Variants in KIF1C observed in about 807,000 individuals in gnomAD.
KIF1C encodes kinesin family member 1C, also known as kinesin-like protein KIF1C.
KIF1C carries 61 observed loss-of-function variants against 126.5 expected under a neutral mutation model. The observed-to-expected ratio is 0.48, with a 90% confidence interval of 0.39 to 0.60. The LOEUF is 0.60. Among genes scored for constraint, KIF1C ranks in the 20% least tolerant of loss-of-function variants. KIF1C has a pLI of 0.00. For synonymous variants in KIF1C, 640 were observed against 580.6 expected (o/e 1.10, Z -1.47); for missense variants, 1,315 against 1,489.2 (o/e 0.88, Z 1.93).
intron 1 of KIF1C, among the ~76,000 whole-genome samples, chr17:4,999,475 T>C (rs1406123741): frequency 6.6e-6 from 1 of 152,002 alleles, no homozygotes; most frequent in East Asian, 1.9e-4. Flanking sequence ...ATTCTTTCCT[T>C]CATAGCATGA....
intron 21 of KIF1C, among the ~76,000 whole-genome samples, chr17:5,021,261 C>T (rs569139241): frequency 5.3e-5 from 8 of 150,450 alleles, no homozygotes; most frequent in East Asian, 2.0e-4. Flanking sequence ...TAGCCTCCGC[C>T]TCCTGGGTTC....
At chr17:5,000,489 G>A in intron 3 of KIF1C, 137 bp downstream of exon 3, 2 of 697,098 alleles carry the variant, frequency 2.9e-6, no homozygotes, top group Non-Finnish European at 4.9e-6. Flanking sequence ...GGCGGGGGCT[G>A]GGGCAGGCTG....
In KIF1C at chr17:5,014,790, G is replaced by A. The variant is rs1013580197; in HGVS notation, c.1619G>A (p.Arg540Gln). The A allele has an allele frequency of 5.6e-6, 9 of 1,602,530 alleles. No individual in the cohort carries two copies. The highest frequency in any genetic ancestry group is 5.1e-6 in the Non-Finnish European group (6 of 1,175,040). ...MDIKLTGQFIREQHCLFRSIP... is the reference protein window; with the variant it reads ...MDIKLTGQFIQEQHCLFRSIP... Reference sequence around the variant, plus strand: ...ATCAAGCTGACCGGACAGTTCATTCGGGAGCAACACTGTCTGTTCCGGAGC... The same window carrying A: ...ATCAAGCTGACCGGACAGTTCATTCAGGAGCAACACTGTCTGTTCCGGAGC... Residue 540 changes from arginine to glutamine, a missense_variant, in exon 18 of 23, where the codon CGG (arginine) becomes CAG (glutamine). By Grantham distance (43) the Arg-to-Gln change is conservative (BLOSUM62 1). Transcript: ENST00000320785.
At chr17:5,000,095 G>A (rs1974541281) in intron 2 of KIF1C, 125 bp downstream of exon 2, 1 of 618,990 alleles carries the variant, frequency 1.6e-6, no homozygotes, top group South Asian at 1.9e-5. Context: ...ATAAGAGCTG[G>A]GTCCTTGAGA....
In KIF1C at chr17:5,022,044, C is replaced by T; in HGVS notation, c.2011-48C>T. ...GACACACTGGGCCAAGACACATGGG[C>T]TCTGGATGTCCTTAGCCCTCTCTTC... On this transcript the variant is annotated intron_variant, in intron 21 of 22. Coordinates refer to ENST00000320785, the MANE Select transcript of KIF1C (RefSeq NM_006612.6). The surrounding 1 kb of genome is among the most constrained non-coding windows in gnomAD (Gnocchi z 4.9). 1 of 1,541,722 alleles carries T rather than the reference C, an allele frequency of 6.5e-7. No individual in the cohort carries two copies.
chr17:5,013,971 G>A (rs1475564964), intron 17 of KIF1C, among the ~76,000 whole-genome samples: 5 of 152,354 alleles, frequency 3.3e-5, no homozygotes, highest in African/African-American at 1.2e-4. Flanking sequence ...TACTGGGGCA[G>A]GAGAGTTGGG....
Position 5,023,347 on chromosome 17 carries a change from T to C in KIF1C, c.2629-121T>C. The C allele has an allele frequency of 6.2e-6, 5 of 811,542 alleles. No homozygotes were observed. Among genetic ancestry groups the C allele is most frequent in the Non-Finnish European group, 9.8e-6 (5 of 509,356 alleles). The allele number at this position is 811,542 out of a possible 1,614,324, so 50.3% of individuals were successfully genotyped here. On this transcript the variant is annotated intron_variant, in intron 22 of 22. Coordinates refer to ENST00000320785, the MANE Select transcript of KIF1C (RefSeq NM_006612.6). This position sits in a 1 kb window ranked among gnomAD's most constrained non-coding sequence, Gnocchi z 4.2. ...AACCACTATTTTTCGAGCTTCCTTA[T>C]CTCTAGGCTTTTCTCTGGACCCTTT...
rs1228118646 is a variant in KIF1C, at chr17:5,020,980, TG to T, written c.2010+107del. 1.9e-6 allele frequency: 2 copies of T among 1,028,834 alleles called. No homozygotes were observed. Among genetic ancestry groups the T allele is most frequent in the Middle Eastern group, 2.7e-4 (1 of 3,650 alleles). 63.7% of individuals were successfully genotyped at this position (1,028,834 alleles called of 1,614,324 possible). A position where few individuals can be genotyped will look rare whatever the true frequency, so the allele number is the denominator to read the frequency against. ...GCTGAGCCAGAGTGGGAAATGGGCA[TG>T]GGGGTAAGGGGAAGGGTCCAAGAGG... is the stretch of plus-strand genomic sequence containing the variant. On this transcript the variant is annotated intron_variant, in intron 21 of 22. Coordinates refer to ENST00000320785, the MANE Select transcript of KIF1C (RefSeq NM_006612.6). This position sits in a 1 kb window ranked among gnomAD's most constrained non-coding sequence, Gnocchi z 5.8.
At chr17:5,018,907 A>G (rs1975033920) in intron 18 of KIF1C, among the ~76,000 whole-genome samples, 1 of 152,058 alleles carries the variant, frequency 6.6e-6, no homozygotes, top group Non-Finnish European at 1.5e-5. Context: ...TGAATCAATA[A>G]ATGAATTTTG....
At position 5,022,207 on chromosome 17, in the gene KIF1C, A is replaced by G; in HGVS notation, c.2126A>G (p.Lys709Arg). The G allele has an allele frequency of 6.2e-6, 10 of 1,614,152 alleles. No individual in the cohort carries two copies. Among genetic ancestry groups the G allele is most frequent in the African/African-American group, 1.3e-5 (1 of 75,056 alleles). Residue 709 changes from lysine (K) to arginine (R), a missense_variant, in exon 22 of 23, where the codon AAA (lysine) becomes AGA (arginine). Physicochemically the swap from Lys to Arg is conservative, Grantham distance 26 (BLOSUM62 2). Transcript: ENST00000320785. This position sits in a 1 kb window ranked among gnomAD's most constrained non-coding sequence, Gnocchi z 4.9. The stretch of plus-strand genomic sequence containing the variant: ...CCCACCACGGTCCAGACCATTGTCA[A>G]ACGCTGTGGTCTGCCCAGCAGTGGC... Reference protein sequence around the residue: ...LPPTTVQTIVKRCGLPSSGKR... With the variant: ...LPPTTVQTIVRRCGLPSSGKR...
chr17:5,024,015 A>G lies in KIF1C; in HGVS notation c.3176A>G (p.Asn1059Ser), dbSNP rs1567729811. The change falls in exon 23 of 23, where the codon AAC becomes AGC. Residue 1059 changes from asparagine to serine, a missense_variant. By Grantham distance (46) the Asn-to-Ser change is conservative. This residue lies in a region of KIF1C where 441 missense variants were observed against 436.1 expected (regional missense o/e 1.01). Transcript: ENST00000320785. ...EPQHFQPKKH[N>S]SYPQPPQPYP... ...CAGCACTTCCAGCCCAAAAAGCACA[A>G]CTCTTATCCCCAGCCACCCCAACCC... The G allele has an allele frequency of 1.3e-6, 2 of 1,581,260 alleles. No individual in the cohort carries two copies. Among genetic ancestry groups the G allele is most frequent in the Non-Finnish European group, 1.7e-6 (2 of 1,163,184 alleles).
chr17:5,003,953 A>G (rs750409253), intron 10 of KIF1C, 37 bp downstream of exon 10: 65 of 1,611,260 alleles, frequency 4.0e-5, no homozygotes, highest in East Asian at 2.5e-4. Context: ...GGCTTGGGAA[A>G]GGGGAGTGAC....
At position 5,024,795 on chromosome 17, in the gene KIF1C, G is replaced by C. The variant is rs190571344; in HGVS notation, c.*644G>C. 2 of 152,800 alleles carry C rather than the reference G, an allele frequency of 1.3e-5. No individual in the cohort carries two copies. 9.5% of individuals were successfully genotyped at this position (152,800 alleles called of 1,614,324 possible). A position where few individuals can be genotyped will look rare whatever the true frequency, so the allele number is the denominator to read the frequency against. On this transcript the variant is annotated 3_prime_UTR_variant, in exon 23 of 23. Transcript: ENST00000320785. Reference sequence around the variant, plus strand: ...TAAGCATACTTATCAGTGAAGTATTGTATGTGTGCTCTGTGCAGGCACCAC... The same window carrying C: ...TAAGCATACTTATCAGTGAAGTATTCTATGTGTGCTCTGTGCAGGCACCAC...
chr17:5,017,014 C>T (rs976951183), intron 18 of KIF1C, among the ~76,000 whole-genome samples: 9 of 152,094 alleles, frequency 5.9e-5, no homozygotes, highest in African/African-American at 1.4e-4. Context: ...CAAATGCTTC[C>T]GGCATTTTGG....
In KIF1C at chr17:5,023,758, C is replaced by A. The variant is rs767762952; in HGVS notation, c.2919C>A (p.His973Gln). 5.9e-6 allele frequency: 9 copies of A among 1,522,796 alleles called. No homozygotes were observed. The highest frequency in any genetic ancestry group is 7.9e-6 in the Non-Finnish European group (9 of 1,138,308). The allele number at this position is 1,522,796 out of a possible 1,614,324, so 94.3% of individuals were successfully genotyped here. Reference sequence around the variant, plus strand: ...CCCCAGCCCGCTTTGTGCCCCCTCACGACTGCAAGCTACGCTTCCCCTTCA... The same window carrying A: ...CCCCAGCCCGCTTTGTGCCCCCTCAAGACTGCAAGCTACGCTTCCCCTTCA... ...RRPPARFVPPHDCKLRFPFKS... is the reference protein window; with the variant it reads ...RRPPARFVPPQDCKLRFPFKS... Residue 973 changes from histidine (H) to glutamine (Q), a missense_variant, in exon 23 of 23, where the codon CAC becomes CAA. His to Gln is a conservative substitution (Grantham distance 24). Transcript: ENST00000320785. The surrounding 1 kb of genome is among the most constrained non-coding windows in gnomAD (Gnocchi z 4.2).
At chr17:5,006,738 C>G (rs1184803715) in intron 13 of KIF1C, among the ~76,000 whole-genome samples, 177 bp from the exon 14 acceptor site, 2 of 152,182 alleles carry the variant, frequency 1.3e-5, no homozygotes, top group Admixed American at 1.3e-4. Context: ...AGTAGAGAGA[C>G]TGGGTGCCCA....
intron 16 of KIF1C, among the ~76,000 whole-genome samples, chr17:5,011,274 TAC>T (rs1045209803): frequency 6.6e-6 from 1 of 152,128 alleles, no homozygotes; most frequent in Non-Finnish European, 1.5e-5. Flanking sequence ...AGGAAAAAAC[TAC>T]AGTTTGTCTT....
rs571764257 is a variant in KIF1C at position 5,014,082 on chromosome 17, G to T, written c.1571+350G>T. On this transcript the variant is annotated intron_variant, in intron 17 of 22. Transcript: ENST00000320785. ...GGAGAAGGGAAACACGGCCTGGTCT[G>T]TGCGGTTGAGGGCTGGGCAGCTAAG... The T allele has an allele frequency of 1.2e-4, 32 of 271,412 alleles. No homozygotes were observed. In the Middle Eastern group the frequency reaches 3.5e-3, roughly 30 times the overall value. The allele number at this position is 271,412 out of a possible 1,614,324, so 16.8% of individuals were successfully genotyped here.
Position 5,005,003 on chromosome 17 carries a change from C to T in KIF1C, c.1165+3C>T, listed in dbSNP as rs199890307. 4.2e-4 allele frequency: 686 copies of T among 1,614,154 alleles called. No homozygotes were observed. The highest frequency in any genetic ancestry group is 5.4e-4 in the Non-Finnish European group (640 of 1,180,004). On this transcript the variant is annotated splice_donor_region_variant and intron_variant, in intron 13 of 22. Transcript: ENST00000320785. ...ACTGTCAGCCTCTGCTCTGGAAGGT[C>T]GAGGTTCCAGGGAGGGGCAGCTCAG...
Sources: allele counts gnomAD v4.1 joint callset (sites outside exome capture counted in the v4.1 genomes callset), GRCh38; gene constraint gnomAD v4.1.1; regional missense constraint gnomAD v4.1.1; non-coding constraint Gnocchi (gnomAD v3.1); transcripts MANE v1.5; gene names NCBI Gene and HGNC (gene_info 2026-07-23, HGNC 2026-07-21).